The following FANCC variants were observed in gnomAD, a reference collection of about 807,000 sequenced individuals.
FANCC encodes Fanconi anemia group C protein.
In FANCC, 55 loss-of-function variants were observed where a neutral mutation model predicts 71.3. That is an observed-to-expected ratio of 0.77 (90% CI 0.62 to 0.97). The LOEUF (loss-of-function observed/expected upper bound fraction) is 0.97. Ranked by LOEUF, FANCC falls within the 50% of genes least tolerant of loss-of-function variation. The pLI is 0.00. For synonymous variants in FANCC, 275 were observed against 244.9 expected (o/e 1.12, Z -1.15); for missense variants, 678 against 670.9 (o/e 1.01, Z -0.12).
At chr9:95,293,096 CA>C (rs1452239944) in intron 1 of FANCC, 1 of 1,612,462 alleles carries the variant, frequency 6.2e-7, no homozygotes, top group African/African-American at 1.3e-5. Flanking sequence ...ATCCCTAGAC[CA>C]GACACCCAAG....
chr9:95,294,760 T>C, intron 1 of FANCC: 1 of 1,589,958 alleles, frequency 6.3e-7, no homozygotes, highest in Non-Finnish European at 8.6e-7. Flanking sequence ...TCAGTTCAGC[T>C]CTGTAGAAAC....
At chr9:95,141,892 T>G (rs879417551) in intron 7 of FANCC, among the ~76,000 whole-genome samples, 1 of 151,898 alleles carries the variant, frequency 6.6e-6, no homozygotes, top group African/African-American at 2.4e-5. Context: ...GGGAAAAATA[T>G]GAGTTTGCAA....
intron 4 of FANCC, among the ~76,000 whole-genome samples, chr9:95,176,340 C>T (rs1469637857): frequency 7.2e-5 from 11 of 152,170 alleles, no homozygotes; most frequent in Admixed American, 3.3e-4. Context: ...CTGTGAAGCC[C>T]AAACTTCTCA....
In FANCC at chr9:95,272,241, C is replaced by T. The variant is rs549635850; in HGVS notation, c.-78-22872G>A. Among the ~76,000 whole-genome samples the T allele has an allele frequency of 8.6e-5, 13 of 152,040 alleles. No homozygotes were observed. In the South Asian group the frequency reaches 1.2e-3, roughly 15 times the overall value. On this transcript the variant is annotated intron_variant, in intron 1 of 14. Transcript: ENST00000289081. ...TCACAAGCCACCGCGCCCGGCCCCG[C>T]CTCCTCTTTTTTATTGAGGCAACAA...
rs1387608503 is a variant in FANCC at position 95,099,071 on chromosome 9, T to TTTTA, written c.*2632_*2635dup. The stretch of plus-strand genomic sequence containing the variant: ...ATACAACATTAGGTGCAAACTGAAG[T>TTTTA]TTTATTTAGAATGAAAAAATAGACA... On this transcript the variant is annotated 3_prime_UTR_variant, in exon 15 of 15. Coordinates refer to ENST00000289081, the MANE Select transcript of FANCC (RefSeq NM_000136.3). 1 of 188,074 alleles carries TTTTA rather than the reference T, an allele frequency of 5.3e-6. No individual in the cohort carries two copies. Among genetic ancestry groups the TTTTA allele is most frequent in the African/African-American group, 2.3e-5 (1 of 42,780 alleles). The allele number at this position is 188,074 out of a possible 1,614,324, so 11.7% of individuals were successfully genotyped here.
At chr9:95,154,581 G>T (rs139954780) in intron 6 of FANCC, among the ~76,000 whole-genome samples, 1 of 152,264 alleles carries the variant, frequency 6.6e-6, no homozygotes, top group African/African-American at 2.4e-5. Context: ...AATGAAGAAA[G>T]CAAGTTGCAT....
intron 1 of FANCC, among the ~76,000 whole-genome samples, chr9:95,268,571 C>T (rs374300902): frequency 6.6e-6 from 1 of 152,094 alleles, no homozygotes; most frequent in East Asian, 1.9e-4. Context: ...AAGAATGATA[C>T]CCTGAGTTAT....
At chr9:95,266,481 C>G (rs1832392166) in intron 1 of FANCC, among the ~76,000 whole-genome samples, 1 of 152,190 alleles carries the variant, frequency 6.6e-6, no homozygotes, top group Non-Finnish European at 1.5e-5. Flanking sequence ...CAACGGCAAT[C>G]TCTTAGCTCA....
chr9:95,301,367 A>T (rs1490113264), intron 1 of FANCC, among the ~76,000 whole-genome samples: 1 of 152,200 alleles, frequency 6.6e-6, no homozygotes, highest in Admixed American at 6.5e-5. Flanking sequence ...GTGTAAGTAC[A>T]GGAAGTCTTC....
chr9:95,272,608 T>C (rs1004637566), intron 1 of FANCC, among the ~76,000 whole-genome samples: 1 of 152,046 alleles, frequency 6.6e-6, no homozygotes, highest in Non-Finnish European at 1.5e-5. Flanking sequence ...GTGGCGAGAA[T>C]TGCTTGAACC....
intron 4 of FANCC, among the ~76,000 whole-genome samples, chr9:95,216,939 G>A (rs1828899730): frequency 6.6e-6 from 1 of 152,124 alleles, no homozygotes; most frequent in Non-Finnish European, 1.5e-5. Flanking sequence ...AAAAATCTCA[G>A]ACCGGCCACA....
intron 4 of FANCC, among the ~76,000 whole-genome samples, chr9:95,229,782 C>CGT (rs1291025904): frequency 6.7e-6 from 1 of 150,330 alleles, no homozygotes; most frequent in African/African-American, 2.4e-5. Context: ...CACACACACA[C>CGT]ACACACACAC....
rs73654535 is a variant in FANCC, at chr9:95,151,398, A to G, written c.522-1311T>C. ...TATTTTCATATGTAATTGTAAATAT[A>G]GAAATTTAGTCTTGTGTTTTGTGAA... is the stretch of plus-strand genomic sequence containing the variant. On this transcript the variant is annotated intron_variant, in intron 6 of 14. Coordinates refer to ENST00000289081, the MANE Select transcript of FANCC (RefSeq NM_000136.3). 3.1e-3 allele frequency among the ~76,000 whole-genome samples: 473 copies of G among 152,352 alleles called. 2 individuals carry two copies. The highest frequency in any genetic ancestry group is 0.011 in the African/African-American group (460 of 41,568).
chr9:95,116,028 A>G (rs368542579), intron 11 of FANCC, among the ~76,000 whole-genome samples: 7 of 152,382 alleles, frequency 4.6e-5, no homozygotes, highest in African/African-American at 1.7e-4. Flanking sequence ...GAACTAGCAC[A>G]AGAGGTTCTT....
At chr9:95,217,175 A>G (rs913932509) in intron 4 of FANCC, among the ~76,000 whole-genome samples, 3 of 152,184 alleles carry the variant, frequency 2.0e-5, no homozygotes, top group Non-Finnish European at 2.9e-5. Flanking sequence ...AAAGCCTCAA[A>G]TATTTGTTAA....
chr9:95,277,853 C>T (rs1391025411), intron 1 of FANCC, among the ~76,000 whole-genome samples: 1 of 151,980 alleles, frequency 6.6e-6, no homozygotes, highest in Non-Finnish European at 1.5e-5. Context: ...AAGACTTTCC[C>T]AGAAGAACAA....
At chr9:95,312,432 T>C (rs77250738) in intron 1 of FANCC, among the ~76,000 whole-genome samples, 1,880 of 152,266 alleles carry the variant, frequency 0.012, 42 homozygotes, top group African/African-American at 0.042. Flanking sequence ...GGTATAATCA[T>C]GGCTCCAAGC....
chr9:95,114,524 C>T, intron 12 of FANCC, 105 bp downstream of exon 12: 1 of 1,024,502 alleles, frequency 9.8e-7, no homozygotes, highest in African/African-American at 1.6e-5. Context: ...TGGTGATGGT[C>T]CCAGACCAGT....
At position 95,161,920 on chromosome 9, in the gene FANCC, C is replaced by T. The variant is rs1830773370; in HGVS notation, c.521+9159G>A. Reference sequence around the variant, plus strand: ...GCAATGGCACGATCTCAGCTCACTGCAACCTCCGCTTCCCAGGTTCAAGCG... The same window carrying T: ...GCAATGGCACGATCTCAGCTCACTGTAACCTCCGCTTCCCAGGTTCAAGCG... On this transcript the variant is annotated intron_variant, in intron 6 of 14. Transcript: ENST00000289081. Among the ~76,000 whole-genome samples, 8 of 151,028 alleles carry T rather than the reference C, an allele frequency of 5.3e-5. No homozygotes were observed. In the South Asian group the frequency reaches 1.7e-3, roughly 32 times the overall value.
Sources: allele counts gnomAD v4.1 joint callset (sites outside exome capture counted in the v4.1 genomes callset), GRCh38; gene constraint gnomAD v4.1.1; transcripts MANE v1.5; gene names NCBI Gene and HGNC (gene_info 2026-07-23, HGNC 2026-07-21).